The following CHRNA5 variants were observed in gnomAD, a reference collection of about 807,000 sequenced individuals.
CHRNA5 encodes neuronal acetylcholine receptor subunit alpha-5.
CHRNA5 carries 28 observed loss-of-function variants against 41.2 expected under a neutral mutation model. That is an observed-to-expected ratio of 0.68 (90% CI 0.50 to 0.93). The LOEUF (loss-of-function observed/expected upper bound fraction) is 0.93. CHRNA5 is among the 40% of genes least tolerant of loss of function. The pLI is 0.00. For synonymous variants in CHRNA5, 188 were observed against 205.8 expected (o/e 0.91, Z 0.74); for missense variants, 481 against 581.9 (o/e 0.83, Z 1.78).
intron 1 of CHRNA5, among the ~76,000 whole-genome samples, chr15:78,572,782 G>A (rs1228183464): frequency 6.6e-6 from 1 of 151,958 alleles, no homozygotes; most frequent in Admixed American, 6.6e-5. Context: ...ACACCTGGCT[G>A]GTATATAGTA....
At chr15:78,567,715 G>C (rs916769649) in intron 1 of CHRNA5, among the ~76,000 whole-genome samples, 1 of 152,212 alleles carries the variant, frequency 6.6e-6, no homozygotes, top group African/African-American at 2.4e-5. Context: ...GAGTGGAACA[G>C]TATTACCTCT....
At chr15:78,590,410 G>A (rs762980943) in exon 5 of CHRNA5, 33 of 1,614,038 alleles carry the variant, frequency 2.0e-5, no homozygotes, top group Non-Finnish European at 2.6e-5. Flanking sequence ...ATTCATCATC[G>A]TTCTTCCTCA....
At chr15:78,591,905 T>C (rs2053019184) in intron 5 of CHRNA5, among the ~76,000 whole-genome samples, 1 of 152,182 alleles carries the variant, frequency 6.6e-6, no homozygotes, top group Non-Finnish European at 1.5e-5. Flanking sequence ...TAAAAGTACA[T>C]AGATTTGTTA....
chr15:78,592,973 T>C (rs1310414339), intron 5 of CHRNA5, 119 bp from the exon 6 acceptor site: 16 of 1,230,908 alleles, frequency 1.3e-5, no homozygotes, highest in Non-Finnish European at 1.8e-5. Flanking sequence ...CACTTACCGT[T>C]TAGAGGCAGC....
exon 6 of CHRNA5, chr15:78,595,260 T>G: frequency 2.0e-6 from 2 of 982,666 alleles, no homozygotes; most frequent in South Asian, 9.4e-5. Flanking sequence ...TATATAAATT[T>G]TTATCGACAT....
chr15:78,580,940 C>A (rs201569403), exon 2 of CHRNA5: 27 of 1,613,572 alleles, frequency 1.7e-5, no homozygotes, highest in Admixed American at 1.7e-5. Flanking sequence ...TTTGGACTTG[C>A]AATATCTCAA....
At chr15:78,594,069 G>A (rs527286235) in exon 6 of CHRNA5, 40 of 152,212 alleles carry the variant, frequency 2.6e-4, no homozygotes, top group African/African-American at 8.7e-4. Flanking sequence ...AACTTAATGT[G>A]CTGCTGCTTT....
At chr15:78,582,421 G>T (rs1338706024) in intron 2 of CHRNA5, among the ~76,000 whole-genome samples, 1 of 151,562 alleles carries the variant, frequency 6.6e-6, no homozygotes, top group Non-Finnish European at 1.5e-5. Flanking sequence ...GGAAGCAGAG[G>T]TTGCAGTGAG....
At chr15:78,566,336 C>G (rs2052747146) in intron 1 of CHRNA5, among the ~76,000 whole-genome samples, 1 of 152,224 alleles carries the variant, frequency 6.6e-6, no homozygotes, top group South Asian at 2.1e-4. Flanking sequence ...TTGTAGCAGG[C>G]TAGGCGGCCA....
chr15:78,566,542 A>G (rs537687299), intron 1 of CHRNA5, among the ~76,000 whole-genome samples: 1 of 152,346 alleles, frequency 6.6e-6, no homozygotes, highest in African/African-American at 2.4e-5. Context: ...TTGAAGAAAA[A>G]CACGTTTGTG....
chr15:78,590,136 C>A lies in CHRNA5; in HGVS notation c.745C>A (p.Leu249Met), dbSNP rs137878726. 74 of 1,614,214 alleles carry A rather than the reference C, an allele frequency of 4.6e-5. No homozygotes were observed. In the African/African-American group the frequency reaches 9.2e-4, roughly 20 times the overall value. Residue 249 changes from leucine (L) to methionine (M), a missense_variant, in exon 5 of 6, where the codon CTG becomes ATG. By Grantham distance (15) the Leu-to-Met change is conservative. Coordinates refer to ENST00000299565, the Ensembl canonical transcript of CHRNA5. ...CACTTACTCATTTGTAATCAAGCGC[C>A]TGCCTCTCTTTTATACCTTGTTCCT... is the stretch of plus-strand genomic sequence containing the variant.
exon 6 of CHRNA5, chr15:78,593,839 G>A (rs200247391): frequency 2.6e-5 from 4 of 152,186 alleles, no homozygotes; most frequent in Non-Finnish European, 4.4e-5. Flanking sequence ...TTGGGAGTTC[G>A]AGACCAGCCT....
At chr15:78,583,696 A>G (rs993743978) in intron 2 of CHRNA5, among the ~76,000 whole-genome samples, 3 of 147,496 alleles carry the variant, frequency 2.0e-5, no homozygotes, top group African/African-American at 7.4e-5. Flanking sequence ...CTCTGTCTCA[A>G]AAAAAAAAAA....
intron 1 of CHRNA5, among the ~76,000 whole-genome samples, chr15:78,572,673 G>C (rs558210020): frequency 3.3e-5 from 5 of 152,122 alleles, no homozygotes; most frequent in Non-Finnish European, 7.4e-5. Context: ...AGTAGAGACG[G>C]AGTTTCTCCA....
In CHRNA5 at chr15:78,574,972, TA is replaced by T. The variant is rs375021466; in HGVS notation, c.107-5823del. ...TGGGCGACCAAGTGAGACCCTGTCT[TA>T]AAAAAAAAAAAAAAAGGAAAGGAAA... On this transcript the variant is annotated intron_variant, in intron 1 of 5. Transcript: ENST00000299565. Among the ~76,000 whole-genome samples, 1,019 of 135,136 alleles carry T rather than the reference TA, an allele frequency of 7.5e-3. 4 individuals are homozygous for T. Among genetic ancestry groups the T allele is most frequent in the African/African-American group, 0.015 (548 of 36,200 alleles). 88.7% of individuals were successfully genotyped at this position (135,136 alleles called of 152,430 possible).
chr15:78,566,304 C>G lies in CHRNA5; in HGVS notation c.106+479C>G, dbSNP rs2141391750. ...CGCAGCATTTGAAAACCTTTCCTTT[C>G]GCCGGAGATGAAAGGTGTGTGTTGT... On this transcript the variant is annotated intron_variant, in intron 1 of 5. Coordinates refer to ENST00000299565, the Ensembl canonical transcript of CHRNA5. Among the ~76,000 whole-genome samples, 8 of 152,308 alleles carry G rather than the reference C, an allele frequency of 5.3e-5. 1 individual carries two copies. In the South Asian group the frequency reaches 1.7e-3, roughly 32 times the overall value.
chr15:78,583,216 C>T (rs1380891200), intron 2 of CHRNA5, among the ~76,000 whole-genome samples: 3 of 152,136 alleles, frequency 2.0e-5, no homozygotes, highest in Non-Finnish European at 2.9e-5. Flanking sequence ...ACGATCAAAG[C>T]AGTACTTTCA....
At chr15:78,579,607 C>G (rs1002967565) in intron 1 of CHRNA5, among the ~76,000 whole-genome samples, 1 of 152,136 alleles carries the variant, frequency 6.6e-6, no homozygotes, top group Admixed American at 6.5e-5. Context: ...CTCAGTATCC[C>G]TATATCAGCA....
At position 78,583,944 on chromosome 15, in the gene CHRNA5, C is replaced by G. The variant is rs139622918; in HGVS notation, c.259-2701C>G. ...TTTTGCCCTTGCCTCTCACCTCCCACTTTGATGAGTTTTTAAAGTTAGTGG... is the reference window on the plus strand; with the variant it reads ...TTTTGCCCTTGCCTCTCACCTCCCAGTTTGATGAGTTTTTAAAGTTAGTGG... On this transcript the variant is annotated intron_variant, in intron 2 of 5. Transcript: ENST00000299565. Among the ~76,000 whole-genome samples the G allele has an allele frequency of 4.9e-3, 740 of 152,170 alleles. 5 individuals are homozygous for G. The highest frequency in any genetic ancestry group is 7.4e-3 in the Non-Finnish European group (505 of 68,008).
Sources: gnomAD v4.1 joint callset for allele counts (sites outside exome capture counted in the v4.1 genomes callset) on GRCh38, gnomAD v4.1.1 for gene constraint, MANE v1.5 for transcripts, NCBI Gene and HGNC (gene_info 2026-07-23, HGNC 2026-07-21) for gene names.